RCC1: variants seen among roughly 807,000 people sequenced by gnomAD.
RCC1 encodes regulator of chromosome condensation.
Under a neutral mutation model 44.4 loss-of-function variants are expected in RCC1, and 11 were observed. The ratio of observed to expected loss-of-function variants is 0.25; its 90% CI spans 0.16 to 0.41. The LOEUF (loss-of-function observed/expected upper bound fraction) is 0.41. Among genes scored for constraint, RCC1 ranks in the 10% least tolerant of loss-of-function variants. The pLI is 1.00. For synonymous variants in RCC1, 213 were observed against 216.5 expected, an observed-to-expected ratio of 0.98 and a Z score of 0.14; for missense variants, 386 against 547.1, an observed-to-expected ratio of 0.71 and a Z score of 2.94.
chr1:28,532,278 G>A lies in RCC1; in HGVS notation c.369G>A (p.Gln123=). The change falls in exon 7 of 13, where the codon CAG becomes CAA. Residue 123 remains glutamine (Q), a synonymous_variant. Transcript: ENST00000683442. ...GKVELQEKVV[Q]VSAGDSHTAA... ...TGGAGCTGCAAGAGAAGGTGGTACAGGTGTCAGCAGGAGACAGTCACACAG... is the reference window on the plus strand; with the variant it reads ...TGGAGCTGCAAGAGAAGGTGGTACAAGTGTCAGCAGGAGACAGTCACACAG... The A allele has an allele frequency of 6.2e-7, 1 of 1,614,194 alleles. No homozygotes were observed.
chr1:28,507,512 TAC>T, intron 1 of RCC1: 1 of 518,634 alleles, frequency 1.9e-6, no homozygotes. Flanking sequence ...TGCATATTCC[TAC>T]AGCTTCCCAG....
intron 4 of RCC1, chr1:28,518,663 G>A (rs983592412): frequency 4.6e-5 from 7 of 151,862 alleles, no homozygotes; most frequent in Admixed American, 3.3e-4. Flanking sequence ...GGCGGGGGAT[G>A]GGTCTCTGCC....
chr1:28,529,785 T>G, intron 4 of RCC1, 73 bp from the exon 5 acceptor site: 1 of 1,159,452 alleles, frequency 8.6e-7, no homozygotes, highest in Non-Finnish European at 1.3e-6. Flanking sequence ...TCTAGAGTGT[T>G]TGATAAATAT....
At position 28,513,342 on chromosome 1, in the gene RCC1, C is replaced by T. The variant is rs560627515; in HGVS notation, c.-152-3383C>T. ...CTGGAGCAGCTGGTACTACAGCATGCACCACCATGCCTGGCTAATTTTTTT... is the reference window on the plus strand; with the variant it reads ...CTGGAGCAGCTGGTACTACAGCATGTACCACCATGCCTGGCTAATTTTTTT... On this transcript the variant is annotated intron_variant, in intron 3 of 12. Coordinates refer to ENST00000683442, the MANE Select transcript of RCC1 (RefSeq NM_001381865.2). Among the ~76,000 whole-genome samples, 42 of 152,134 alleles carry T rather than the reference C, an allele frequency of 2.8e-4. 1 individual carries two copies. In the South Asian group the frequency reaches 8.5e-3, roughly 31 times the overall value.
At chr1:28,522,042 T>A (rs908971568) in intron 4 of RCC1, among the ~76,000 whole-genome samples, 2 of 152,234 alleles carry the variant, frequency 1.3e-5, no homozygotes, top group Non-Finnish European at 2.9e-5. Flanking sequence ...GGGTTTTGCA[T>A]ATGGAAGATA....
chr1:28,526,266 C>G, intron 4 of RCC1: 1 of 211,008 alleles, frequency 4.7e-6, no homozygotes, highest in Non-Finnish European at 9.6e-6. Context: ...GCCTGGGCAA[C>G]AGAGAGTGAG....
intron 2 of RCC1, 186 bp downstream of exon 2, chr1:28,508,346 C>G: frequency 5.7e-6 from 2 of 353,058 alleles, no homozygotes; most frequent in South Asian, 4.2e-5. Context: ...GACATAACTT[C>G]AACATATGCT....
At chr1:28,527,460 C>T (rs1663746174) in intron 4 of RCC1, among the ~76,000 whole-genome samples, 1 of 152,144 alleles carries the variant, frequency 6.6e-6, no homozygotes, top group African/African-American at 2.4e-5. Flanking sequence ...CCACGCTGGT[C>T]TTGAACTCCT....
At chr1:28,519,503 C>T (rs1392939560) in intron 4 of RCC1, among the ~76,000 whole-genome samples, 1 of 152,152 alleles carries the variant, frequency 6.6e-6, no homozygotes, top group Non-Finnish European at 1.5e-5. Context: ...GGCAACCCAC[C>T]CAGTCCCCCA....
At chr1:28,526,048 G>T (rs2124640620) in intron 4 of RCC1, among the ~76,000 whole-genome samples, 2 of 152,296 alleles carry the variant, frequency 1.3e-5, no homozygotes, top group South Asian at 4.1e-4. Context: ...ACTTTGGGAG[G>T]CTGAGGCGGG....
In RCC1 at chr1:28,535,891, T is replaced by C; in HGVS notation, c.682T>C (p.Cys228Arg). The C allele has an allele frequency of 6.2e-7, 1 of 1,613,820 alleles. No homozygotes were observed. The highest frequency in any genetic ancestry group is 8.5e-7 in the Non-Finnish European group (1 of 1,179,804). The change falls in exon 10 of 13, where the codon TGT (cysteine) becomes CGT (arginine). Residue 228 changes from cysteine (C) to arginine (R), a missense_variant. Cys to Arg is a radical substitution (Grantham distance 180, BLOSUM62 -3). Transcript: ENST00000683442. ...TGCAGAACGACTCCTGGTCCCCAAGTGTGTGATGCTGAAATCCAGGGGAAG... is the reference window on the plus strand; with the variant it reads ...TGCAGAACGACTCCTGGTCCCCAAGCGTGTGATGCTGAAATCCAGGGGAAG... ...QGLERLLVPK[C>R]VMLKSRGSRG...
chr1:28,535,012 C>T, intron 7 of RCC1, 38 bp from the exon 8 acceptor site: 2 of 1,544,906 alleles, frequency 1.3e-6, no homozygotes, highest in South Asian at 2.2e-5. Context: ...ACGGGGCAGG[C>T]AGGACTGGCT....
intron 4 of RCC1, 109 bp downstream of exon 4, chr1:28,516,976 C>A (rs1662933023): frequency 2.6e-5 from 11 of 416,532 alleles, no homozygotes; most frequent in South Asian, 1.9e-4. Context: ...CGAAAATTAG[C>A]CAGGCTTTGT....
intron 5 of RCC1, chr1:28,530,430 G>A: frequency 8.4e-7 from 1 of 1,185,168 alleles, no homozygotes; most frequent in Non-Finnish European, 1.2e-6. Flanking sequence ...TCTGTCCTGG[G>A]ACCCCGGAGG....
intron 4 of RCC1, chr1:28,518,635 G>T (rs1018943321): frequency 6.6e-6 from 1 of 151,312 alleles, no homozygotes; most frequent in East Asian, 1.9e-4. Context: ...CGGCGGGCCG[G>T]GTGCGCGCGG....
Position 28,516,819 on chromosome 1 carries a change from A to G in RCC1, c.-58A>G, listed in dbSNP as rs1223685182. 1 of 456,686 alleles carries G rather than the reference A, an allele frequency of 2.2e-6. No homozygotes were observed. The highest frequency in any genetic ancestry group is 4.4e-6 in the Non-Finnish European group (1 of 226,944). 28.3% of individuals were successfully genotyped at this position (456,686 alleles called of 1,614,324 possible). A position where few individuals can be genotyped will look rare whatever the true frequency, so the allele number is the denominator to read the frequency against. ...AAAAGTTGGAGAAATTTCACAGTAC[A>G]TCATCCAAAAGAGGAGTCCATGATG... is the stretch of plus-strand genomic sequence containing the variant. On this transcript the variant is annotated 5_prime_UTR_variant, in exon 4 of 13. Coordinates refer to ENST00000683442, the MANE Select transcript of RCC1 (RefSeq NM_001381865.2).
Position 28,536,780 on chromosome 1 carries a change from G to A in RCC1, c.971G>A (p.Gly324Glu). 6.2e-7 allele frequency: 1 copy of A among 1,614,140 alleles called. No individual in the cohort carries two copies. ...KAYSLGRAEYGRLGLGEGAEE... is the reference protein window; with the variant it reads ...KAYSLGRAEYERLGLGEGAEE... ...TACAGCCTGGGCCGGGCTGAGTATG[G>A]GCGGCTGGGCCTTGGAGAGGGTGCT... Residue 324 changes from glycine to glutamate, a missense_variant, in exon 12 of 13, where the codon GGG (glycine) becomes GAG (glutamate). Transcript: ENST00000683442. The surrounding 1 kb of genome is among the most constrained non-coding windows in gnomAD (Gnocchi z 4.9).
chr1:28,526,238 TTGTGCCACTGCAC>T (rs1222223460), intron 4 of RCC1: 1 of 181,544 alleles, frequency 5.5e-6, no homozygotes, highest in East Asian at 1.5e-4. Context: ...TGAGCCGTGA[TTGTGCCACTGCAC>T]TTGAGCCTGG....
At chr1:28,507,450 AC>A (rs755478930) in intron 1 of RCC1, 1 of 519,110 alleles carries the variant, frequency 1.9e-6, no homozygotes, top group Non-Finnish European at 3.8e-6. Flanking sequence ...CCCATGATGT[AC>A]AAGTCCCTTT....
Sources: gnomAD v4.1 joint callset for allele counts (sites outside exome capture counted in the v4.1 genomes callset) on GRCh38, gnomAD v4.1.1 for gene constraint, Gnocchi (gnomAD v3.1) non-coding constraint, MANE v1.5 for transcripts, NCBI Gene and HGNC (gene_info 2026-07-23, HGNC 2026-07-21) for gene names.